CLCN2: variants seen among roughly 807,000 people sequenced by gnomAD.
CLCN2 encodes the protein chloride voltage-gated channel 2.
A neutral mutation model predicts 108.3 loss-of-function variants in CLCN2; 72 were observed. That is an observed-to-expected ratio of 0.66 (90% CI 0.55 to 0.81). The LOEUF is 0.81. Among genes scored for constraint, CLCN2 ranks in the 30% least tolerant of loss-of-function variants. CLCN2 has a pLI of 0.00. For synonymous variants in CLCN2, 471 were observed against 467.1 expected (o/e 1.01, Z -0.11); for missense variants, 1,048 against 1,205.2 (o/e 0.87, Z 1.93).
rs1728662539 is a variant in CLCN2, at chr3:184,357,608, A to G, written c.772+12T>C. The stretch of plus-strand genomic sequence containing the variant: ...GGTTGTGGGGCTGGACTGACCTAGG[A>G]GCCCTGCCTACCTCCAATAGGTGCC... On this transcript the variant is annotated intron_variant, in intron 7 of 23. Transcript: ENST00000265593. 6.2e-7 allele frequency: 1 copy of G among 1,613,886 alleles called. No homozygotes were observed. The highest frequency in any genetic ancestry group is 1.3e-5 in the African/African-American group (1 of 74,944).
Position 184,357,012 on chromosome 3 carries a change from T to G in CLCN2, c.1066A>C (p.Asn356His). Residue 356 changes from asparagine (N) to histidine (H), a missense_variant, in exon 10 of 24, where the codon AAT becomes CAT. Asn to His is a moderately conservative substitution (Grantham distance 68, BLOSUM62 1). Coordinates refer to ENST00000265593, the MANE Select transcript of CLCN2 (RefSeq NM_004366.6). ...VQVMRKQKTI[N>H]RFLMRKRLLF... ...ACTCACTTCCTCATGAGGAAGCGATTGATGGTTTTCTGCTTCCGCATCACC... is the reference window on the plus strand; with the variant it reads ...ACTCACTTCCTCATGAGGAAGCGATGGATGGTTTTCTGCTTCCGCATCACC... 1 of 1,613,416 alleles carries G rather than the reference T, an allele frequency of 6.2e-7. No individual in the cohort carries two copies. The highest frequency in any genetic ancestry group is 8.5e-7 in the Non-Finnish European group (1 of 1,179,800).
At chr3:184,348,654 CTA>C (rs1727875457) in intron 22 of CLCN2, 1 of 152,222 alleles carries the variant, frequency 6.6e-6, no homozygotes, top group South Asian at 2.1e-4. Flanking sequence ...ATAAGGCTTC[CTA>C]TGTTACTAAT....
At position 184,361,058 on chromosome 3, in the gene CLCN2, C is replaced by G. The variant is rs1285853281; in HGVS notation, c.63+359G>C. On this transcript the variant is annotated intron_variant, in intron 1 of 23. Transcript: ENST00000265593. The surrounding 1 kb of genome is among the most constrained non-coding windows in gnomAD (Gnocchi z 6.6). ...ATGTCTTGGGTGGTGGAGATAGTGG[C>G]GTAGAGAAAGTTCAATGGTGTGAAT... Among the ~76,000 whole-genome samples the G allele has an allele frequency of 6.6e-6, 1 of 152,074 alleles. No individual in the cohort carries two copies. Among genetic ancestry groups the G allele is most frequent in the Non-Finnish European group, 1.5e-5 (1 of 68,010 alleles).
At chr3:184,356,906 G>A in intron 10 of CLCN2, 87 bp downstream of exon 10, 3 of 914,050 alleles carry the variant, frequency 3.3e-6, no homozygotes, top group Non-Finnish European at 3.6e-6. Context: ...TTTTGACTGG[G>A]CCATTCTCTC....
Position 184,355,043 on chromosome 3 carries a change from G to T in CLCN2, c.1327-70C>A. The stretch of plus-strand genomic sequence containing the variant: ...CCCAGGCAGCCCACAGCGCCACCCA[G>T]GAGAAGTCTACCTCGCTGATCAGGT... On this transcript the variant is annotated intron_variant, in intron 12 of 23. Transcript: ENST00000265593. The surrounding 1 kb of genome is among the most constrained non-coding windows in gnomAD (Gnocchi z 6.3). 7.0e-7 allele frequency: 1 copy of T among 1,431,258 alleles called. No homozygotes were observed. The highest frequency in any genetic ancestry group is 9.8e-7 in the Non-Finnish European group (1 of 1,015,418). 88.7% of individuals were successfully genotyped at this position (1,431,258 alleles called of 1,614,324 possible).
rs774458376 is a variant in CLCN2, at chr3:184,353,020, G to A, written c.2143+13C>T. 11 of 1,605,352 alleles carry A rather than the reference G, an allele frequency of 6.9e-6. No homozygotes were observed. In the East Asian group the frequency reaches 2.0e-4, roughly 29 times the overall value. ...TGGCTGAGGCTCTGTGGACACAGGA[G>A]ACATGGGCTTACCTGTGGGACTCTC... On this transcript the variant is annotated intron_variant, in intron 18 of 23. Coordinates refer to ENST00000265593, the MANE Select transcript of CLCN2 (RefSeq NM_004366.6).
chr3:184,355,216 A>G lies in CLCN2; in HGVS notation c.1326+158T>C. ...CCCTCTAGCTGTGTGACTTTGGGCC[A>G]GCTACTTGTGTTTCGACTCCCCCAT... On this transcript the variant is annotated intron_variant, in intron 12 of 23. Transcript: ENST00000265593. This position sits in a 1 kb window ranked among gnomAD's most constrained non-coding sequence, Gnocchi z 6.3. 2.2e-6 allele frequency: 2 copies of G among 890,848 alleles called. No individual in the cohort carries two copies. Among genetic ancestry groups the G allele is most frequent in the South Asian group, 1.4e-5 (1 of 71,158 alleles). The allele number at this position is 890,848 out of a possible 1,614,324, so 55.2% of individuals were successfully genotyped here. A position where few individuals can be genotyped will look rare whatever the true frequency, so the allele number is the denominator to read the frequency against.
At position 184,358,994 on chromosome 3, in the gene CLCN2, G is replaced by T. The variant is rs373741133; in HGVS notation, c.201C>A (p.Ser67Arg). 1.2e-5 allele frequency: 20 copies of T among 1,613,466 alleles called. No individual in the cohort carries two copies. The highest frequency in any genetic ancestry group is 1.7e-5 in the Non-Finnish European group (20 of 1,180,038). Residue 67 changes from serine to arginine, a missense_variant, in exon 2 of 24, where the codon AGC (serine) becomes AGA (arginine). Transcript: ENST00000265593. ...AAPELLEYGR[S>R]RCARCRVCSV... The stretch of plus-strand genomic sequence containing the variant: ...TCTCACCGCGGCATCGGGCGCAACG[G>T]CTCCGTCCATATTCCAAGAGCTCTG...
Position 184,355,337 on chromosome 3 carries a change from T to G in CLCN2, c.1326+37A>C. On this transcript the variant is annotated intron_variant, in intron 12 of 23. Coordinates refer to ENST00000265593, the MANE Select transcript of CLCN2 (RefSeq NM_004366.6). The surrounding 1 kb of genome is among the most constrained non-coding windows in gnomAD (Gnocchi z 6.3). The stretch of plus-strand genomic sequence containing the variant: ...GTGGCAGGTGCTTAGAAGGGCAAGC[T>G]ATGTAAAGGTTAGCAGTGTACACGT... 1 of 1,611,578 alleles carries G rather than the reference T, an allele frequency of 6.2e-7. No homozygotes were observed. The highest frequency in any genetic ancestry group is 1.1e-5 in the South Asian group (1 of 91,020).
In CLCN2 at chr3:184,361,327, A is replaced by C; in HGVS notation, c.63+90T>G. 1 of 1,315,182 alleles carries C rather than the reference A, an allele frequency of 7.6e-7. No homozygotes were observed. Among genetic ancestry groups the C allele is most frequent in the Non-Finnish European group, 1.1e-6 (1 of 909,984 alleles). The allele number at this position is 1,315,182 out of a possible 1,614,324, so 81.5% of individuals were successfully genotyped here. A position where few individuals can be genotyped will look rare whatever the true frequency, so the allele number is the denominator to read the frequency against. On this transcript the variant is annotated intron_variant, in intron 1 of 23. Coordinates refer to ENST00000265593, the MANE Select transcript of CLCN2 (RefSeq NM_004366.6). This position sits in a 1 kb window ranked among gnomAD's most constrained non-coding sequence, Gnocchi z 6.6. ...CAGCTCAAAATGCTAGGACAGGATTAGGGTAGGCCCCTGGTCCTCGCGCTT... is the reference window on the plus strand; with the variant it reads ...CAGCTCAAAATGCTAGGACAGGATTCGGGTAGGCCCCTGGTCCTCGCGCTT...
intron 1 of CLCN2, among the ~76,000 whole-genome samples, chr3:184,360,994 G>A (rs1049680466): frequency 1.3e-5 from 2 of 152,244 alleles, no homozygotes; most frequent in Non-Finnish European, 2.9e-5. Flanking sequence ...TCGATTCTAT[G>A]CTTAGCATGG....
chr3:184,350,911 A>G (rs924408758), intron 22 of CLCN2, among the ~76,000 whole-genome samples: 4 of 152,210 alleles, frequency 2.6e-5, no homozygotes, highest in African/African-American at 9.7e-5. Flanking sequence ...AAATGTCAGC[A>G]TGATCATCAT....
chr3:184,355,527 G>C lies in CLCN2; in HGVS notation c.1173C>G (p.Leu391=), dbSNP rs1328052823. Residue 391 remains leucine (L), a splice_region_variant and synonymous_variant, in exon 12 of 24, where the codon CTC becomes CTG. Coordinates refer to ENST00000265593, the MANE Select transcript of CLCN2 (RefSeq NM_004366.6). This position sits in a 1 kb window ranked among gnomAD's most constrained non-coding sequence, Gnocchi z 6.3. ...PGFGQFMAGQ[L]SQKETLVTLF... ...GGGTGACCAGCGTCTCTTTCTGTGA[G>C]AGCTAGAGTGAACAGGGTGCCTCAG... The C allele has an allele frequency of 1.2e-6, 2 of 1,614,024 alleles. No individual in the cohort carries two copies. The highest frequency in any genetic ancestry group is 4.5e-5 in the East Asian group (2 of 44,890).
At chr3:184,356,929 C>T (rs1728594329) in intron 10 of CLCN2, 64 bp downstream of exon 10, 1 of 1,150,766 alleles carries the variant, frequency 8.7e-7, no homozygotes, top group Admixed American at 1.7e-5. Flanking sequence ...CATCACTGTC[C>T]CCTGACCTAC....
At chr3:184,347,917 C>T (rs1289276337) in intron 22 of CLCN2, 1 of 152,180 alleles carries the variant, frequency 6.6e-6, no homozygotes, top group Non-Finnish European at 1.5e-5. Context: ...TTCTTGGGGC[C>T]AGATGTCTTG....
chr3:184,353,487 AC>A, intron 16 of CLCN2, 65 bp from the exon 17 acceptor site: 1 of 1,553,976 alleles, frequency 6.4e-7, no homozygotes, highest in Admixed American at 1.9e-5. Context: ...TCCTTCTCTC[AC>A]ACTCAGAGTG....
chr3:184,346,295 G>A lies in CLCN2; in HGVS notation c.*311C>T. The A allele has an allele frequency of 2.1e-6, 1 of 471,508 alleles. No individual in the cohort carries two copies. The highest frequency in any genetic ancestry group is 2.3e-5 in the South Asian group (1 of 43,600). The allele number at this position is 471,508 out of a possible 1,614,324, so 29.2% of individuals were successfully genotyped here. On this transcript the variant is annotated 3_prime_UTR_variant, in exon 24 of 24. Coordinates refer to ENST00000265593, the MANE Select transcript of CLCN2 (RefSeq NM_004366.6). This position sits in a 1 kb window ranked among gnomAD's most constrained non-coding sequence, Gnocchi z 6.0. ...TCTCTATATACATCTGGTCATTGGA[G>A]GTTCCAGTTATAAACCCATCTTAGT...
Position 184,357,477 on chromosome 3 carries a change from G to C in CLCN2, c.783C>G (p.Phe261Leu). 6.2e-7 allele frequency: 1 copy of C among 1,614,212 alleles called. No individual in the cohort carries two copies. Among genetic ancestry groups the C allele is most frequent in the Non-Finnish European group, 8.5e-7 (1 of 1,180,040 alleles). The change falls in exon 8 of 24, where the codon TTC becomes TTG. Residue 261 changes from phenylalanine (F) to leucine (L), a missense_variant. By Grantham distance (22) the Phe-to-Leu change is conservative. Transcript: ENST00000265593. ...AGAAGGTGGAGGTGACCTCGATGCT[G>C]AAGAGGACGCCTGTGAGGGGGAGGG... is the stretch of plus-strand genomic sequence containing the variant. ...CFAAPIGGVL[F>L]SIEVTSTFFA... is the part of the protein sequence containing the mutation.
chr3:184,352,733 T>C lies in CLCN2; in HGVS notation c.2217+4A>G. The C allele has an allele frequency of 1.2e-6, 2 of 1,612,976 alleles. No homozygotes were observed. Among genetic ancestry groups the C allele is most frequent in the Non-Finnish European group, 8.5e-7 (1 of 1,179,896 alleles). ...AGCTAGGAGGACAGGCTCCAGCCAC[T>C]CACCTCCGAAGCAGCCTCAGGGGGT... On this transcript the variant is annotated splice_donor_region_variant and intron_variant, in intron 19 of 23. Coordinates refer to ENST00000265593, the MANE Select transcript of CLCN2 (RefSeq NM_004366.6).
Sources: allele counts gnomAD v4.1 joint callset (sites outside exome capture counted in the v4.1 genomes callset), GRCh38; gene constraint gnomAD v4.1.1; non-coding constraint Gnocchi (gnomAD v3.1); transcripts MANE v1.5; gene names NCBI Gene and HGNC (gene_info 2026-07-23, HGNC 2026-07-21).